PTPRO: variants seen among roughly 807,000 people sequenced by gnomAD.
PTPRO encodes the protein receptor-type tyrosine-protein phosphatase O.
A neutral mutation model predicts 145.2 loss-of-function variants in PTPRO; 62 were observed. The ratio of observed to expected loss-of-function variants is 0.43; its 90% CI spans 0.35 to 0.53. The LOEUF (loss-of-function observed/expected upper bound fraction) is 0.53. PTPRO is among the 20% of genes least tolerant of loss of function. The pLI, the probability that PTPRO is intolerant of heterozygous loss-of-function variation, is 0.01. For synonymous variants in PTPRO, 565 were observed against 514.7 expected (o/e 1.10, Z -1.32); for missense variants, 1,345 against 1,482.7 (o/e 0.91, Z 1.53).
At chr12:15,474,478 A>C (rs187591413) in intron 1 of PTPRO, among the ~76,000 whole-genome samples, 1 of 152,220 alleles carries the variant, frequency 6.6e-6, no homozygotes, top group Non-Finnish European at 1.5e-5. Flanking sequence ...ACCAAGAGGC[A>C]TAAGGATATA....
At chr12:15,452,807 A>G (rs987853016) in intron 1 of PTPRO, among the ~76,000 whole-genome samples, 1 of 152,148 alleles carries the variant, frequency 6.6e-6, no homozygotes, top group African/African-American at 2.4e-5. Context: ...TTCATCTGCT[A>G]CTTTTTCTAG....
chr12:15,330,058 A>G (rs1035750512), intron 1 of PTPRO, among the ~76,000 whole-genome samples: 1 of 152,222 alleles, frequency 6.6e-6, no homozygotes, highest in Non-Finnish European at 1.5e-5. Flanking sequence ...TGAGCCAGAA[A>G]GAAGGATCTC....
chr12:15,576,990 G>A (rs1944200676), intron 19 of PTPRO, among the ~76,000 whole-genome samples: 1 of 152,180 alleles, frequency 6.6e-6, no homozygotes. Flanking sequence ...CACTGATTTA[G>A]TTGAAATTTA....
At chr12:15,506,476 G>A (rs1463262312) in intron 6 of PTPRO, among the ~76,000 whole-genome samples, 1 of 152,160 alleles carries the variant, frequency 6.6e-6, no homozygotes, top group Non-Finnish European at 1.5e-5. Flanking sequence ...ATTTACAAAG[G>A]AAAGAGGTTT....
At position 15,513,769 on chromosome 12, in the gene PTPRO, G is replaced by C. The variant is rs189023261; in HGVS notation, c.1465-1729G>C. On this transcript the variant is annotated intron_variant, in intron 7 of 26. Transcript: ENST00000281171. ...CAAAAGGCCAAAAAGTTAATAAGAT[G>C]AATAAAGATTAATATTTATTGATAC... 9.2e-5 allele frequency among the ~76,000 whole-genome samples: 14 copies of C among 152,154 alleles called. No homozygotes were observed. In the East Asian group the frequency reaches 2.7e-3, roughly 29 times the overall value.
At chr12:15,361,582 C>G (rs1938212820) in intron 1 of PTPRO, among the ~76,000 whole-genome samples, 2 of 152,080 alleles carry the variant, frequency 1.3e-5, no homozygotes, top group Non-Finnish European at 2.9e-5. Flanking sequence ...CTTGAATTGG[C>G]CACAGAAAAC....
At chr12:15,515,663 G>A (rs200201580) in intron 8 of PTPRO, 45 bp downstream of exon 8, 85 of 1,612,070 alleles carry the variant, frequency 5.3e-5, no homozygotes, top group East Asian at 6.7e-5. Flanking sequence ...ATATATTAGG[G>A]TATTGACGGA....
intron 1 of PTPRO, among the ~76,000 whole-genome samples, chr12:15,418,512 A>G (rs1305679198): frequency 6.6e-6 from 1 of 151,800 alleles, no homozygotes; most frequent in Admixed American, 6.5e-5. Context: ...CTTCAGCAGA[A>G]GAGAACAATC....
intron 12 of PTPRO, among the ~76,000 whole-genome samples, chr12:15,543,609 C>T (rs1373705533): frequency 6.6e-6 from 1 of 152,042 alleles, no homozygotes; most frequent in African/African-American, 2.4e-5. Context: ...TTTTTGAGTA[C>T]CTATAGGTGG....
chr12:15,497,177 C>G (rs754327869), intron 2 of PTPRO, 68 bp from the exon 3 acceptor site: 4 of 1,401,046 alleles, frequency 2.9e-6, no homozygotes, highest in Admixed American at 1.7e-5. Context: ...TTGCTTAATT[C>G]AAGTATTGAT....
chr12:15,516,211 C>T (rs759933056), intron 8 of PTPRO, among the ~76,000 whole-genome samples: 24 of 149,344 alleles, frequency 1.6e-4, no homozygotes, highest in Non-Finnish European at 2.5e-4. Flanking sequence ...AGGATGGTCT[C>T]GATCTGACCT....
rs1365832825 is a variant in PTPRO, at chr12:15,515,986, T to G, written c.1585+368T>G. On this transcript the variant is annotated intron_variant, in intron 8 of 26. Transcript: ENST00000281171. Reference sequence around the variant, plus strand: ...TGTTTTGTTTGTCTGGTTTTTTTTTTGTTTTGTTTTTTTTTTTTTTTGGAG... The same window carrying G: ...TGTTTTGTTTGTCTGGTTTTTTTTTGGTTTTGTTTTTTTTTTTTTTTGGAG... Among the ~76,000 whole-genome samples the G allele has an allele frequency of 9.6e-5, 11 of 114,716 alleles. No homozygotes were observed. The East Asian group carries it at 1.3e-3, about 14-fold the overall frequency. The allele number at this position is 114,716 out of a possible 152,430, so 75.3% of individuals were successfully genotyped here.
chr12:15,551,510 T>A, intron 14 of PTPRO, 41 bp from the exon 15 acceptor site: 1 of 1,607,692 alleles, frequency 6.2e-7, no homozygotes. Context: ...TGGTTCCCTG[T>A]AAGAGAACCT....
chr12:15,391,580 A>G (rs1363494938), intron 1 of PTPRO, among the ~76,000 whole-genome samples: 2 of 152,128 alleles, frequency 1.3e-5, no homozygotes, highest in South Asian at 2.1e-4. Context: ...TCATGTCCCC[A>G]TTGCATCTCA....
At chr12:15,357,671 C>G (rs1489601098) in intron 1 of PTPRO, among the ~76,000 whole-genome samples, 2 of 151,498 alleles carry the variant, frequency 1.3e-5, no homozygotes, top group East Asian at 1.9e-4. Context: ...AAATGCAAAT[C>G]AAAACCACAG....
intron 1 of PTPRO, among the ~76,000 whole-genome samples, chr12:15,472,793 T>A (rs1941571468): frequency 6.6e-6 from 1 of 152,174 alleles, no homozygotes; most frequent in East Asian, 1.9e-4. Flanking sequence ...TTTGGATGAG[T>A]GTGACCAGGA....
intron 7 of PTPRO, among the ~76,000 whole-genome samples, chr12:15,514,848 T>C (rs1257690249): frequency 6.6e-6 from 1 of 152,088 alleles, no homozygotes; most frequent in African/African-American, 2.4e-5. Context: ...ACTGCACCTC[T>C]GCCTCCTGGG....
intron 1 of PTPRO, among the ~76,000 whole-genome samples, chr12:15,349,515 T>C (rs1448377660): frequency 6.6e-6 from 1 of 152,240 alleles, no homozygotes; most frequent in African/African-American, 2.4e-5. Context: ...TGTTTTATAA[T>C]AGCCCCCATT....
chr12:15,336,030 G>A (rs1246015589), intron 1 of PTPRO, among the ~76,000 whole-genome samples: 1 of 152,146 alleles, frequency 6.6e-6, no homozygotes, highest in South Asian at 2.1e-4. Context: ...TGAATCAGGT[G>A]TGCATCATCA....
Sources: gnomAD v4.1 joint callset for allele counts (sites outside exome capture counted in the v4.1 genomes callset) on GRCh38, gnomAD v4.1.1 for gene constraint, MANE v1.5 for transcripts, NCBI Gene and HGNC (gene_info 2026-07-23, HGNC 2026-07-21) for gene names.